PTPRD: variants seen among roughly 807,000 people sequenced by gnomAD.
PTPRD encodes the protein protein tyrosine phosphatase receptor type D, also known as receptor-type tyrosine-protein phosphatase delta.
In PTPRD, 34 loss-of-function variants were observed where a neutral mutation model predicts 214.5. The ratio of observed to expected loss-of-function variants is 0.16; its 90% confidence interval spans 0.12 to 0.21. The LOEUF (loss-of-function observed/expected upper bound fraction) is 0.21. Ranked by LOEUF, PTPRD falls within the 10% of genes least tolerant of loss-of-function variation. The pLI is 1.00. For missense variants in PTPRD, 2,545 were observed against 2,398.7 expected (o/e 1.06, Z -1.27); for synonymous variants, 1,128 against 845.7 (o/e 1.33, Z -5.79).
At chr9:8,881,957 T>C (rs2098449664) in intron 11 of PTPRD, among the ~76,000 whole-genome samples, 1 of 152,134 alleles carries the variant, frequency 6.6e-6, no homozygotes, top group Non-Finnish European at 1.5e-5. Context: ...AGAACCATGT[T>C]TTTTCCTGCT....
intron 8 of PTPRD, among the ~76,000 whole-genome samples, chr9:9,511,738 T>C (rs77660715): frequency 0.015 from 2,315 of 151,902 alleles, 28 homozygotes; most frequent in Non-Finnish European, 0.024. Context: ...AAAATTGCCA[T>C]AGTTTATACT....
chr9:9,157,955 G>A (rs1422067782), intron 10 of PTPRD, among the ~76,000 whole-genome samples: 1 of 152,126 alleles, frequency 6.6e-6, no homozygotes, highest in East Asian at 1.9e-4. Flanking sequence ...CTACTTATAA[G>A]TAAGAACATG....
At chr9:9,599,887 C>A (rs1033227835) in intron 7 of PTPRD, among the ~76,000 whole-genome samples, 2 of 151,858 alleles carry the variant, frequency 1.3e-5, no homozygotes, top group East Asian at 1.9e-4. Flanking sequence ...AATTGTAAAA[C>A]TCAATTTAAG....
rs184083639 is a variant in PTPRD at position 10,570,171 on chromosome 9, C to T, written c.-600+42227G>A. ...TCTTTCTCCTTCACAAATCACTGGA[C>T]TTTATGTAATCTGTTTTTGCATTTG... On this transcript the variant is annotated intron_variant, in intron 2 of 45. Coordinates refer to ENST00000381196, the MANE Select transcript of PTPRD (RefSeq NM_002839.4). Among the ~76,000 whole-genome samples the T allele has an allele frequency of 3.2e-4, 49 of 152,228 alleles. No homozygotes were observed. In the East Asian group the frequency reaches 9.1e-3, roughly 28 times the overall value.
chr9:9,824,044 C>A (rs1796305992), intron 5 of PTPRD, among the ~76,000 whole-genome samples: 1 of 151,890 alleles, frequency 6.6e-6, no homozygotes, highest in Admixed American at 6.6e-5. Context: ...GCAGTCAACT[C>A]TTAGTTTCAT....
rs1587303348 is a variant in PTPRD, at chr9:9,401,764, C to T, written c.-236-4282G>A. Among the ~76,000 whole-genome samples, 13 of 152,062 alleles carry T rather than the reference C, an allele frequency of 8.5e-5. 1 individual carries two copies. In the South Asian group the frequency reaches 2.7e-3, roughly 32 times the overall value. ...GGCAATTGAATCATGGGGGTGGTTA[C>T]CTCTATGCTGCTGTTCTCCTGATAG... is the stretch of plus-strand genomic sequence containing the variant. On this transcript the variant is annotated intron_variant, in intron 8 of 45. Transcript: ENST00000381196.
At chr9:9,178,881 C>A (rs73641227) in intron 10 of PTPRD, among the ~76,000 whole-genome samples, 1,623 of 152,184 alleles carry the variant, frequency 0.011, 19 homozygotes, top group African/African-American at 0.022. Context: ...CACAATTAAC[C>A]TTCCCTTAAT....
At chr9:8,330,444 TTATTGTGG>T (rs1485867686) in intron 44 of PTPRD, among the ~76,000 whole-genome samples, 2 of 152,154 alleles carry the variant, frequency 1.3e-5, no homozygotes, top group African/African-American at 4.8e-5. Flanking sequence ...GTGACTCCCT[TTATTGTGG>T]TAATCTGGAA....
intron 14 of PTPRD, among the ~76,000 whole-genome samples, chr9:8,620,065 G>A (rs1322148818): frequency 6.6e-6 from 1 of 151,886 alleles, no homozygotes; most frequent in East Asian, 1.9e-4. Flanking sequence ...CTCCTTTAGG[G>A]CTAAGAATCT....
intron 5 of PTPRD, among the ~76,000 whole-genome samples, chr9:9,820,756 T>G (rs1325247006): frequency 6.6e-6 from 1 of 152,174 alleles, no homozygotes; most frequent in African/African-American, 2.4e-5. Context: ...CCCCATTGCT[T>G]ATTTTTGTCA....
chr9:9,949,477 C>T (rs1027722413), intron 4 of PTPRD, among the ~76,000 whole-genome samples: 1 of 151,560 alleles, frequency 6.6e-6, no homozygotes, highest in Non-Finnish European at 1.5e-5. Flanking sequence ...TTTCCTTCCT[C>T]CATCTTCATG....
chr9:9,556,760 T>C (rs1486751139), intron 8 of PTPRD, among the ~76,000 whole-genome samples: 2 of 152,156 alleles, frequency 1.3e-5, no homozygotes, highest in Admixed American at 1.3e-4. Context: ...AAAATATAAT[T>C]CCTGGCAAGA....
At chr9:9,527,360 C>T (rs2074362569) in intron 8 of PTPRD, among the ~76,000 whole-genome samples, 1 of 152,120 alleles carries the variant, frequency 6.6e-6, no homozygotes, top group African/African-American at 2.4e-5. Flanking sequence ...TAAAATGCTC[C>T]CTCCTGCCTA....
At chr9:9,935,283 T>C (rs1313793133) in intron 5 of PTPRD, among the ~76,000 whole-genome samples, 1 of 152,124 alleles carries the variant, frequency 6.6e-6, no homozygotes, top group Non-Finnish European at 1.5e-5. Context: ...GGAAGTCAAA[T>C]TGTCCCTGTT....
At chr9:9,511,547 A>C (rs866394696) in intron 8 of PTPRD, among the ~76,000 whole-genome samples, 1 of 151,808 alleles carries the variant, frequency 6.6e-6, no homozygotes. Context: ...AGCAAAAGGA[A>C]GGATTTTTAT....
intron 4 of PTPRD, among the ~76,000 whole-genome samples, chr9:9,952,819 T>C (rs1280500469): frequency 6.6e-6 from 1 of 152,142 alleles, no homozygotes; most frequent in Non-Finnish European, 1.5e-5. Flanking sequence ...GACCAGGAGA[T>C]AAATTTATTC....
At chr9:10,300,209 G>A (rs566532639) in intron 3 of PTPRD, among the ~76,000 whole-genome samples, 1 of 152,120 alleles carries the variant, frequency 6.6e-6, no homozygotes, top group African/African-American at 2.4e-5. Flanking sequence ...AAATTCTAAT[G>A]GGAAGATTTG....
chr9:9,721,576 T>C (rs2097947480), intron 7 of PTPRD, among the ~76,000 whole-genome samples: 1 of 152,132 alleles, frequency 6.6e-6, no homozygotes, highest in African/African-American at 2.4e-5. Context: ...AGCCCGCATT[T>C]TGCTAAGATA....
intron 35 of PTPRD, among the ~76,000 whole-genome samples, chr9:8,424,512 C>T (rs941366847): frequency 5.3e-5 from 8 of 152,150 alleles, no homozygotes. Context: ...GAATGTCTGG[C>T]ACATGGTAAG....
Sources: gnomAD v4.1 joint callset for allele counts (sites outside exome capture counted in the v4.1 genomes callset) on GRCh38, gnomAD v4.1.1 for gene constraint, MANE v1.5 for transcripts, NCBI Gene and HGNC (gene_info 2026-07-23, HGNC 2026-07-21) for gene names.